Variants in IFNGR1 observed in about 807,000 individuals in gnomAD.
IFNGR1 encodes the protein AVP, type 2.
In IFNGR1, 23 loss-of-function variants were observed where a neutral mutation model predicts 35.4. The observed-to-expected ratio is 0.65, with a 90% CI of 0.47 to 0.92. The LOEUF (loss-of-function observed/expected upper bound fraction) is 0.92. Among genes scored for constraint, IFNGR1 ranks in the 40% least tolerant of loss-of-function variants. IFNGR1 has a pLI of 0.00. For synonymous variants in IFNGR1, 199 were observed against 209.5 expected (o/e 0.95, Z 0.43); for missense variants, 533 against 583.4 (o/e 0.91, Z 0.89).
Position 137,200,919 on chromosome 6 carries a change from G to T in IFNGR1, c.823C>A (p.Pro275Thr), listed in dbSNP as rs768418453. ...FICFYIKKIN[P>T]LKEKSIILPK... ...AATATTATGCTTTTTTCCTTCAATGGATTAATTTTCTTAATATAAAAACAG... is the reference window on the plus strand; with the variant it reads ...AATATTATGCTTTTTTCCTTCAATGTATTAATTTTCTTAATATAAAAACAG... The change falls in exon 6 of 7, where the codon CCA becomes ACA. Residue 275 changes from proline to threonine, a missense_variant. Transcript: ENST00000367739. 1.9e-6 allele frequency: 3 copies of T among 1,605,666 alleles called. No individual in the cohort carries two copies. The African/African-American group carries it at 4.0e-5, about 22-fold the overall frequency.
At chr6:137,207,290 T>C (rs990388986) in intron 1 of IFNGR1, among the ~76,000 whole-genome samples, 32 of 152,216 alleles carry the variant, frequency 2.1e-4, no homozygotes, top group Non-Finnish European at 7.3e-5. Context: ...TTTTAAATTA[T>C]GGAAACATCA....
intron 1 of IFNGR1, among the ~76,000 whole-genome samples, chr6:137,215,605 T>C (rs1204480955): frequency 6.6e-6 from 1 of 152,200 alleles, no homozygotes; most frequent in African/African-American, 2.4e-5. Flanking sequence ...TAATTACTCA[T>C]CTGGTTTGTA....
intron 6 of IFNGR1, 85 bp from the exon 7 acceptor site, chr6:137,198,724 G>T: frequency 9.6e-7 from 1 of 1,044,336 alleles, no homozygotes; most frequent in Non-Finnish European, 1.5e-6. Context: ...TGAAGTAATG[G>T]ACCACCAAAT....
Position 137,219,263 on chromosome 6 carries a change from G to T in IFNGR1, c.65C>A (p.Ala22Glu). ...QGVSRAEMGT[A>E]DLGPSSVPTP... ...GGTACCTGAGGACGGCCCCAGATCC[G>T]CGGTGCCCATCTCAGCCCTGCTCAC... is the stretch of plus-strand genomic sequence containing the variant. Residue 22 changes from alanine (A) to glutamate (E), a missense_variant, in exon 1 of 7, where the codon GCG becomes GAG. Physicochemically the swap from Ala to Glu is moderately radical, Grantham distance 107 (BLOSUM62 -1). Coordinates refer to ENST00000367739, the MANE Select transcript of IFNGR1 (RefSeq NM_000416.3). The T allele has an allele frequency of 6.2e-7, 1 of 1,611,498 alleles. No homozygotes were observed. Among genetic ancestry groups the T allele is most frequent in the Non-Finnish European group, 8.5e-7 (1 of 1,179,122 alleles).
intron 4 of IFNGR1, 135 bp downstream of exon 4, chr6:137,204,196 AT>A: frequency 1.3e-6 from 1 of 753,888 alleles, no homozygotes; most frequent in Non-Finnish European, 2.3e-6. Flanking sequence ...GCATTCACAT[AT>A]TTTTCTTATC....
intron 1 of IFNGR1, 44 bp downstream of exon 1, chr6:137,219,199 C>T (rs765953088): frequency 1.3e-6 from 2 of 1,571,226 alleles, no homozygotes; most frequent in South Asian, 1.2e-5. Context: ...CCCTCCCTCC[C>T]TCTCGTCCCG....
chr6:137,206,522 G>C, intron 2 of IFNGR1: 2 of 528,904 alleles, frequency 3.8e-6, no homozygotes, highest in Non-Finnish European at 3.3e-6. Flanking sequence ...AATTCAAAAT[G>C]TAAGACCTAT....
intron 1 of IFNGR1, among the ~76,000 whole-genome samples, chr6:137,215,865 CCA>C (rs1779684202): frequency 6.6e-6 from 1 of 152,120 alleles, no homozygotes; most frequent in Non-Finnish European, 1.5e-5. Flanking sequence ...GCACATGCCA[CCA>C]CACAGGGTTA....
At chr6:137,216,609 C>T (rs976982266) in intron 1 of IFNGR1, among the ~76,000 whole-genome samples, 1 of 152,128 alleles carries the variant, frequency 6.6e-6, no homozygotes, top group African/African-American at 2.4e-5. Context: ...TCAAGCCCAG[C>T]AACAGTAAGA....
chr6:137,204,594 C>A (rs781750523), intron 3 of IFNGR1, 90 bp from the exon 4 acceptor site: 3 of 1,100,226 alleles, frequency 2.7e-6, no homozygotes, highest in Non-Finnish European at 4.1e-6. Flanking sequence ...ATCAATCAAC[C>A]TATTGTTTTT....
intron 6 of IFNGR1, 133 bp downstream of exon 6, chr6:137,200,748 G>A: frequency 2.6e-6 from 2 of 766,708 alleles, no homozygotes; most frequent in Non-Finnish European, 2.1e-6. Context: ...TTTTGCATGT[G>A]TGGTAGACTG....
chr6:137,212,360 C>T (rs770878083), intron 1 of IFNGR1, among the ~76,000 whole-genome samples: 6 of 152,146 alleles, frequency 3.9e-5, no homozygotes, highest in South Asian at 2.1e-4. Flanking sequence ...TGGGTTCAAA[C>T]GATTCTCCTG....
At chr6:137,199,549 A>ATAATATATAATTTATT (rs1582629980) in intron 6 of IFNGR1, among the ~76,000 whole-genome samples, 1 of 12,684 alleles carries the variant, frequency 7.9e-5, no homozygotes, top group African/African-American at 2.7e-4. Flanking sequence ...TATATTATAT[A>ATAATATATAATTTATT]ACATATAAAA....
intron 1 of IFNGR1, 40 bp downstream of exon 1, chr6:137,219,203 C>A: frequency 6.3e-7 from 1 of 1,574,832 alleles, no homozygotes; most frequent in Non-Finnish European, 8.6e-7. Context: ...CCCTCCCTCT[C>A]GTCCCGACCC....
chr6:137,199,510 T>TTATTATATATTATATATAATA (rs1779204717), intron 6 of IFNGR1, among the ~76,000 whole-genome samples: 2 of 4,462 alleles, frequency 4.5e-4, no homozygotes, highest in East Asian at 3.7e-3. Flanking sequence ...AATATATAAT[T>TTATTATATATTATATATAATA]TATAATATAT....
Position 137,201,516 on chromosome 6 carries a change from T to C in IFNGR1, c.734-508A>G, listed in dbSNP as rs539829377. On this transcript the variant is annotated intron_variant, in intron 5 of 6. Coordinates refer to ENST00000367739, the MANE Select transcript of IFNGR1 (RefSeq NM_000416.3). ...GGTGAAACCCCATCTCTACTAAAAA[T>C]ACAAAAATTAGCTGGGTGTGGTGGC... Among the ~76,000 whole-genome samples, 10 of 152,000 alleles carry C rather than the reference T, an allele frequency of 6.6e-5. 2 individuals are homozygous for C. The highest frequency in any genetic ancestry group is 1.9e-4 in the African/African-American group (8 of 41,470).
At chr6:137,215,658 G>C (rs1460003299) in intron 1 of IFNGR1, among the ~76,000 whole-genome samples, 2 of 152,106 alleles carry the variant, frequency 1.3e-5, no homozygotes, top group African/African-American at 4.8e-5. Flanking sequence ...TTGTAAGATA[G>C]CTGTTTATTA....
At chr6:137,198,697 C>A (rs994080322) in intron 6 of IFNGR1, 58 bp from the exon 7 acceptor site, 25 of 1,346,036 alleles carry the variant, frequency 1.9e-5, no homozygotes, top group Non-Finnish European at 2.3e-5. Flanking sequence ...TGCCTACCCT[C>A]AAAAAAAACA....
Position 137,198,003 on chromosome 6 carries a change from CT to C in IFNGR1, c.*27del. ...CAGAAAACTGTCCAGGAAAATCAGA[CT>C]TCAAAGTTGGTGCAACTTAGCTGAT... On this transcript the variant is annotated 3_prime_UTR_variant, in exon 7 of 7. Coordinates refer to ENST00000367739, the MANE Select transcript of IFNGR1 (RefSeq NM_000416.3). 6.2e-7 allele frequency: 1 copy of C among 1,613,534 alleles called. No individual in the cohort carries two copies. Among genetic ancestry groups the C allele is most frequent in the Non-Finnish European group, 8.5e-7 (1 of 1,179,806 alleles).
Sources: allele counts gnomAD v4.1 joint callset (sites outside exome capture counted in the v4.1 genomes callset), GRCh38; gene constraint gnomAD v4.1.1; transcripts MANE v1.5; gene names NCBI Gene and HGNC (gene_info 2026-07-23, HGNC 2026-07-21).